UNC93A: variants seen among roughly 807,000 people sequenced by gnomAD.
UNC93A encodes the protein unc-93 homolog A, also known as N-acetylglucosamine transporter UNC93A.
In UNC93A, 43 loss-of-function variants were observed where a neutral mutation model predicts 47.5. That is an observed-to-expected ratio of 0.91 (90% CI 0.71 to 1.17). The LOEUF is 1.17. Among genes scored for constraint, UNC93A ranks in the 50% most tolerant of loss-of-function variants. The pLI is 0.00. For missense variants in UNC93A, 605 were observed against 577.6 expected (o/e 1.05, Z -0.49); for synonymous variants, 280 against 258.0 (o/e 1.09, Z -0.82).
At chr6:167,273,490 G>T (rs1032741115) in intron 1 of UNC93A, among the ~76,000 whole-genome samples, 5 of 152,126 alleles carry the variant, frequency 3.3e-5, no homozygotes, top group African/African-American at 1.2e-4. Context: ...TGCCATATGT[G>T]GTGAGATCCT....
In UNC93A at chr6:167,305,986, G is replaced by C. The variant is rs138525520; in HGVS notation, c.912G>C (p.Ala304=). 1 of 1,614,196 alleles carries C rather than the reference G, an allele frequency of 6.2e-7. No individual in the cohort carries two copies. The highest frequency in any genetic ancestry group is 8.5e-7 in the Non-Finnish European group (1 of 1,180,044). The change falls in exon 6 of 8, where the codon GCG becomes GCC. Residue 304 remains alanine, a synonymous_variant. Transcript: ENST00000230256. ...YVMICFSATD[A]LCSVLYGKVS... is the part of the protein sequence containing the mutation. ...TGATCTGCTTCTCGGCCACTGACGCGCTGTGCTCCGTGTTGTATGGAAAGG... is the reference window on the plus strand; with the variant it reads ...TGATCTGCTTCTCGGCCACTGACGCCCTGTGCTCCGTGTTGTATGGAAAGG...
intron 7 of UNC93A, 40 bp downstream of exon 7, chr6:167,307,950 G>T: frequency 1.2e-6 from 2 of 1,609,296 alleles, no homozygotes; most frequent in South Asian, 1.1e-5. Context: ...GTGGCAGCAG[G>T]GGGCGGTCCC....
At chr6:167,280,400 GA>G (rs1278055022) in intron 1 of UNC93A, among the ~76,000 whole-genome samples, 1 of 152,124 alleles carries the variant, frequency 6.6e-6, no homozygotes, top group Non-Finnish European at 1.5e-5. Context: ...TGCTGTTAAG[GA>G]ATAGGCACCC....
chr6:167,311,181 T>C (rs1475992589), intron 7 of UNC93A, among the ~76,000 whole-genome samples: 1 of 152,224 alleles, frequency 6.6e-6, no homozygotes, highest in Non-Finnish European at 1.5e-5. Flanking sequence ...TTTAAGAACA[T>C]ATGTGGACCA....
chr6:167,303,506 A>G (rs541972144), intron 4 of UNC93A, among the ~76,000 whole-genome samples: 1 of 152,210 alleles, frequency 6.6e-6, no homozygotes, highest in South Asian at 2.1e-4. Flanking sequence ...AGTGTAGCAA[A>G]TGGTACCTTG....
At chr6:167,276,901 T>A (rs206976) in intron 1 of UNC93A, among the ~76,000 whole-genome samples, 65,594 of 152,158 alleles carry the variant, frequency 0.43, 15,479 homozygotes, top group African/African-American at 0.63. Flanking sequence ...CTGTGCCCAG[T>A]CCCCGGGGTG....
chr6:167,313,474 A>G (rs997227707), intron 7 of UNC93A, among the ~76,000 whole-genome samples: 1 of 151,946 alleles, frequency 6.6e-6, no homozygotes, highest in Non-Finnish European at 1.5e-5. Context: ...TTGGCCTTGG[A>G]CCAACCAGAA....
Position 167,296,233 on chromosome 6 carries a change from G to C in UNC93A, c.471G>C (p.Ser157=), listed in dbSNP as rs138586773. ...SSGVWGNLIS[S]LVFGQTPSQE... Reference sequence around the variant, plus strand: ...GTGTGTGGGGCAACTTGATCTCATCGCTGGTATTTGGCCAGACTCCCAGCC... The same window carrying C: ...GTGTGTGGGGCAACTTGATCTCATCCCTGGTATTTGGCCAGACTCCCAGCC... Residue 157 remains serine (S), a synonymous_variant, in exon 3 of 8, where the codon TCG becomes TCC. Transcript: ENST00000230256. 2 of 1,614,184 alleles carry C rather than the reference G, an allele frequency of 1.2e-6. No individual in the cohort carries two copies. Among genetic ancestry groups the C allele is most frequent in the African/African-American group, 2.7e-5 (2 of 75,022 alleles).
chr6:167,270,456 G>A (rs970035312), upstream of UNC93A, among the ~76,000 whole-genome samples: 3 of 152,118 alleles, frequency 2.0e-5, no homozygotes, highest in Non-Finnish European at 4.4e-5. Context: ...GGATGAGGGA[G>A]CAGGGCCCCA....
chr6:167,290,985 T>G (rs7765712), upstream of UNC93A, among the ~76,000 whole-genome samples: 5,813 of 152,278 alleles, frequency 0.038, 176 homozygotes, highest in African/African-American at 0.076. Flanking sequence ...TCACGTTAGC[T>G]CTTTTTCAGA....
At chr6:167,270,613 C>T (rs1331061635), upstream of UNC93A, among the ~76,000 whole-genome samples, 1 of 152,136 alleles carries the variant, frequency 6.6e-6, no homozygotes, top group African/African-American at 2.4e-5. Flanking sequence ...GTGAACGAGC[C>T]CTCACTTGCA....
chr6:167,296,524 G>A (rs1778093711), intron 3 of UNC93A, among the ~76,000 whole-genome samples: 1 of 152,214 alleles, frequency 6.6e-6, no homozygotes, highest in Non-Finnish European at 1.5e-5. Flanking sequence ...CTTGGGAGAG[G>A]GCGCCATGGG....
At chr6:167,293,183 C>T (rs987034770) in intron 1 of UNC93A, among the ~76,000 whole-genome samples, 6 of 152,272 alleles carry the variant, frequency 3.9e-5, no homozygotes, top group Middle Eastern at 3.4e-3. Flanking sequence ...GGATGAGCTC[C>T]GCAGCTGTGA....
intron 5 of UNC93A, among the ~76,000 whole-genome samples, chr6:167,304,337 G>C (rs1427721504): frequency 1.3e-5 from 2 of 152,162 alleles, no homozygotes; most frequent in African/African-American, 4.8e-5. Flanking sequence ...CAACTCACAG[G>C]AGCTTCCACT....
At chr6:167,271,597 A>G (rs1351853190) in intron 1 of UNC93A, 1 of 152,112 alleles carries the variant, frequency 6.6e-6, no homozygotes, top group East Asian at 1.9e-4. Context: ...CTTATCTATC[A>G]TAAGTGGGAC....
intron 5 of UNC93A, 111 bp from the exon 6 acceptor site, chr6:167,305,804 T>C: frequency 1.3e-6 from 2 of 1,488,580 alleles, no homozygotes; most frequent in South Asian, 2.4e-5. Flanking sequence ...TAGGCAACAC[T>C]GGCCTGCTGG....
intron 7 of UNC93A, among the ~76,000 whole-genome samples, chr6:167,311,183 T>C (rs536537117): frequency 5.8e-4 from 88 of 152,356 alleles, no homozygotes; most frequent in African/African-American, 1.7e-3. Context: ...TAAGAACATA[T>C]GTGGACCACG....
chr6:167,306,365 T>G (rs1218985781), intron 6 of UNC93A, among the ~76,000 whole-genome samples: 2 of 151,890 alleles, frequency 1.3e-5, no homozygotes, highest in Non-Finnish European at 2.9e-5. Context: ...CAGGTGCAAA[T>G]GAGGGACACG....
At chr6:167,294,895 C>T (rs1002064546) in intron 2 of UNC93A, among the ~76,000 whole-genome samples, 197 bp downstream of exon 2, 5 of 152,086 alleles carry the variant, frequency 3.3e-5, no homozygotes, top group Non-Finnish European at 7.4e-5. Context: ...CCCACCAAGG[C>T]TCCTCTGTGC....
Sources: allele counts gnomAD v4.1 joint callset (sites outside exome capture counted in the v4.1 genomes callset), GRCh38; gene constraint gnomAD v4.1.1; transcripts MANE v1.5; gene names NCBI Gene and HGNC (gene_info 2026-07-23, HGNC 2026-07-21).